SLCO1C1: variants seen among roughly 807,000 people sequenced by gnomAD.
The protein encoded by SLCO1C1 is OAT-RP-5.
SLCO1C1 carries 70 observed loss-of-function variants against 76.4 expected under a neutral mutation model. The observed-to-expected ratio is 0.92, with a 90% confidence interval of 0.76 to 1.12. The LOEUF is 1.12. Among genes scored for constraint, SLCO1C1 ranks in the 50% most tolerant of loss-of-function variants. SLCO1C1 has a pLI of 0.00. For synonymous variants in SLCO1C1, 306 were observed against 286.1 expected (o/e 1.07, Z -0.70); for missense variants, 912 against 823.8 (o/e 1.11, Z -1.31).
intron 4 of SLCO1C1, among the ~76,000 whole-genome samples, chr12:20,708,054 G>T (rs1223353446): frequency 1.3e-5 from 2 of 152,114 alleles, no homozygotes; most frequent in Non-Finnish European, 2.9e-5. Context: ...CATGAAGCTT[G>T]CTCTCTACTG....
At chr12:20,699,387 T>C (rs10770702) in intron 1 of SLCO1C1, among the ~76,000 whole-genome samples, 165 bp from the exon 2 acceptor site, 1 of 151,820 alleles carries the variant, frequency 6.6e-6, no homozygotes, top group Non-Finnish European at 1.5e-5. Context: ...GTTAATCAGA[T>C]ATCCTGGTTG....
At chr12:20,748,677 AT>A in intron 13 of SLCO1C1, among the ~76,000 whole-genome samples, 1 of 151,868 alleles carries the variant, frequency 6.6e-6, no homozygotes, top group Middle Eastern at 3.4e-3. Context: ...CCTCATTCTT[AT>A]TTTTTTGTTC....
At chr12:20,716,164 AG>A (rs924846865) in intron 6 of SLCO1C1, among the ~76,000 whole-genome samples, 1 of 152,318 alleles carries the variant, frequency 6.6e-6, no homozygotes, top group African/African-American at 2.4e-5. Context: ...GCAGGACTCC[AG>A]GGGGTGCTGG....
intron 1 of SLCO1C1, 42 bp from the exon 2 acceptor site, chr12:20,699,510 G>A (rs67884336): frequency 0.045 from 63,767 of 1,401,738 alleles, 1,602 homozygotes; most frequent in Non-Finnish European, 0.051. Context: ...AATAAATTGC[G>A]TAGTATTTAT....
intron 5 of SLCO1C1, among the ~76,000 whole-genome samples, chr12:20,714,820 C>T (rs10841596): frequency 2.6e-5 from 4 of 152,028 alleles, no homozygotes; most frequent in African/African-American, 9.7e-5. Flanking sequence ...CAGATAGATA[C>T]TGAATGTCAT....
chr12:20,752,458 A>C lies in SLCO1C1; in HGVS notation c.2069A>C (p.Lys690Thr), dbSNP rs137967174. The C allele has an allele frequency of 6.2e-7, 1 of 1,613,484 alleles. No individual in the cohort carries two copies. Among genetic ancestry groups the C allele is most frequent in the Non-Finnish European group, 8.5e-7 (1 of 1,179,630 alleles). Residue 690 changes from lysine (K) to threonine (T), a missense_variant, in exon 15 of 15, where the codon AAG (lysine) becomes ACG (threonine). Lys to Thr is a moderately conservative substitution (Grantham distance 78). Transcript: ENST00000266509. ...ACAATGGTGTCTACAAGATTCCAAAAGGAAAATTACACTACAAGTGATCAT... is the reference window on the plus strand; with the variant it reads ...ACAATGGTGTCTACAAGATTCCAAACGGAAAATTACACTACAAGTGATCAT... The part of the protein sequence containing the change: ...ERTMVSTRFQ[K>T]ENYTTSDHLL...
chr12:20,723,133 C>T lies in SLCO1C1; in HGVS notation c.1065C>T (p.Tyr355=), dbSNP rs1455095064. The T allele has an allele frequency of 1.4e-5, 23 of 1,611,830 alleles. No individual in the cohort carries two copies. The highest frequency in any genetic ancestry group is 1.6e-5 in the Non-Finnish European group (19 of 1,179,404). Residue 355 remains tyrosine, a synonymous_variant, in exon 9 of 15, where the codon TAC becomes TAT. Transcript: ENST00000266509. ...AGAATCTTTTTGGAAACCCAGTATACTTCCTATATTTATGTACAAGCACTG... is the reference window on the plus strand; with the variant it reads ...AGAATCTTTTTGGAAACCCAGTATATTTCCTATATTTATGTACAAGCACTG... ...SLKNLFGNPV[Y]FLYLCTSTVQ...
At chr12:20,720,680 A>C (rs1947619271) in intron 7 of SLCO1C1, among the ~76,000 whole-genome samples, 1 of 152,212 alleles carries the variant, frequency 6.6e-6, no homozygotes, top group Non-Finnish European at 1.5e-5. Flanking sequence ...TGAAGATGCG[A>C]CTGAATTGCT....
At chr12:20,714,891 A>G (rs11045405) in intron 5 of SLCO1C1, among the ~76,000 whole-genome samples, 4,401 of 152,258 alleles carry the variant, frequency 0.029, 138 homozygotes, top group African/African-American at 0.077. Context: ...AGAGAGAATA[A>G]AAAGTAAAGG....
intron 5 of SLCO1C1, among the ~76,000 whole-genome samples, chr12:20,712,336 G>C (rs560480114): frequency 6.6e-6 from 1 of 152,288 alleles, no homozygotes; most frequent in African/African-American, 2.4e-5. Flanking sequence ...AGTCCTATGA[G>C]TCAAAGGCAG....
chr12:20,717,648 CTTTTTTT>C (rs534946900), intron 7 of SLCO1C1, among the ~76,000 whole-genome samples: 14 of 42,276 alleles, frequency 3.3e-4, no homozygotes, highest in African/African-American at 8.1e-4. Flanking sequence ...AACAGCCCTT[CTTTTTTT>C]TTTTTTTTTT....
rs1946422393 is a variant in SLCO1C1, at chr12:20,699,584, C to T, written c.8C>T (p.Thr3Ile). Residue 3 changes from threonine to isoleucine, a missense_variant, in exon 2 of 15, where the codon ACT (threonine) becomes ATT (isoleucine). Physicochemically the swap from Thr to Ile is moderately conservative, Grantham distance 89. Transcript: ENST00000266509. MD[T>I]SSKENIQLFC... is the part of the protein sequence containing the mutation. ...TCAAGGAATGTGTTTATAATGGACA[C>T]TTCATCCAAAGAAAATATCCAGTTG... 1.9e-6 allele frequency: 3 copies of T among 1,610,766 alleles called. No individual in the cohort carries two copies. The highest frequency in any genetic ancestry group is 1.3e-5 in the African/African-American group (1 of 74,792).
rs1948377091 is a variant in SLCO1C1 at position 20,733,187 on chromosome 12, G to T, written c.1382+83G>T. The T allele has an allele frequency of 3.8e-6, 5 of 1,304,684 alleles. 1 individual carries two copies. The Admixed American group carries it at 1.3e-4, about 34-fold the overall frequency. 80.8% of individuals were successfully genotyped at this position (1,304,684 alleles called of 1,614,324 possible). A position where few individuals can be genotyped will look rare whatever the true frequency, so the allele number is the denominator to read the frequency against. On this transcript the variant is annotated intron_variant, in intron 10 of 14. Transcript: ENST00000266509. ...TGGTGGAGTTGCAAAAAAGGAATTT[G>T]ATTTTTAAACATCATAACTATGGTA...
chr12:20,707,795 T>A (rs182505969), intron 4 of SLCO1C1, among the ~76,000 whole-genome samples: 9 of 151,878 alleles, frequency 5.9e-5, no homozygotes, highest in Non-Finnish European at 1.0e-4. Context: ...TAGTGACAAA[T>A]ATCGAATACC....
chr12:20,702,934 T>C (rs541096148), intron 3 of SLCO1C1, among the ~76,000 whole-genome samples: 90 of 152,038 alleles, frequency 5.9e-4, no homozygotes, highest in African/African-American at 2.1e-3. Flanking sequence ...CAGGTCCTGA[T>C]GCAACTTGAG....
At chr12:20,740,120 T>C in intron 11 of SLCO1C1, 64 bp from the exon 12 acceptor site, 2 of 1,418,250 alleles carry the variant, frequency 1.4e-6, no homozygotes, top group South Asian at 1.3e-5. Context: ...ATTTTTAACA[T>C]AACTGTCTTT....
intron 9 of SLCO1C1, among the ~76,000 whole-genome samples, chr12:20,728,836 A>G (rs1285912212): frequency 6.6e-6 from 1 of 152,018 alleles, no homozygotes; most frequent in Admixed American, 6.6e-5. Flanking sequence ...AAAATCTTTA[A>G]CCTGATGAGT....
Position 20,737,127 on chromosome 12 carries a change from A to G in SLCO1C1, c.1403A>G (p.His468Arg). Residue 468 changes from histidine (H) to arginine (R), a missense_variant, in exon 11 of 15, where the codon CAT becomes CGT. His to Arg is a conservative substitution (Grantham distance 29). Coordinates refer to ENST00000266509, the MANE Select transcript of SLCO1C1 (RefSeq NM_017435.5). ...TTCAGAACCAAACCTGTCTCTTATC[A>G]TGAACGAGCTCTCTTTTCAGATTGC... The part of the protein sequence containing the change: ...SYQGTKPVSY[H>R]ERALFSDCNS... 1 of 1,534,022 alleles carries G rather than the reference A, an allele frequency of 6.5e-7. No individual in the cohort carries two copies. Among genetic ancestry groups the G allele is most frequent in the Non-Finnish European group, 8.7e-7 (1 of 1,149,038 alleles).
chr12:20,712,751 C>T (rs575096713), intron 5 of SLCO1C1, among the ~76,000 whole-genome samples: 6 of 152,144 alleles, frequency 3.9e-5, no homozygotes, highest in East Asian at 3.9e-4. Flanking sequence ...CAATGAACCC[C>T]GGCTGTTTGA....
Sources: gnomAD v4.1 joint callset for allele counts (sites outside exome capture counted in the v4.1 genomes callset) on GRCh38, gnomAD v4.1.1 for gene constraint, MANE v1.5 for transcripts, NCBI Gene and HGNC (gene_info 2026-07-23, HGNC 2026-07-21) for gene names.